The following ASB15 variants were observed in gnomAD, a reference collection of about 807,000 sequenced individuals.
ASB15 encodes the protein ankyrin repeat and SOCS box protein 15.
Under a neutral mutation model 58.0 loss-of-function variants are expected in ASB15, and 54 were observed. The observed-to-expected ratio is 0.93, with a 90% confidence interval of 0.75 to 1.17. The LOEUF (loss-of-function observed/expected upper bound fraction) is 1.17, where lower values mean the gene tolerates loss of function less well. ASB15 is among the 50% of genes most tolerant of loss of function. The pLI is 0.00. For synonymous variants in ASB15, 249 were observed against 262.4 expected, an observed-to-expected ratio of 0.95 and a Z score of 0.50; for missense variants, 680 against 707.4, an observed-to-expected ratio of 0.96 and a Z score of 0.44.
intron 1 of ASB15, among the ~76,000 whole-genome samples, chr7:123,570,098 G>A (rs967275458): frequency 7.4e-6 from 1 of 135,128 alleles, no homozygotes; most frequent in African/African-American, 2.8e-5. Flanking sequence ...GCAGTGGCAC[G>A]ATCTCGGCTC....
intron 7 of ASB15, chr7:123,623,133 G>A (rs770629222): frequency 4.6e-5 from 7 of 152,106 alleles, no homozygotes; most frequent in African/African-American, 1.2e-4. Flanking sequence ...TAAACTCTAC[G>A]AGTGAGATCC....
intron 7 of ASB15, among the ~76,000 whole-genome samples, chr7:123,624,101 T>C (rs1801602666): frequency 6.6e-6 from 1 of 152,186 alleles, no homozygotes; most frequent in Admixed American, 6.5e-5. Flanking sequence ...GGAAACCTGA[T>C]GAACATGATT....
chr7:123,630,651 A>G (rs1378602783), intron 11 of ASB15, among the ~76,000 whole-genome samples: 1 of 152,196 alleles, frequency 6.6e-6, no homozygotes, highest in Non-Finnish European at 1.5e-5. Context: ...ATGAAAATGA[A>G]TAATACAAGT....
intron 1 of ASB15, among the ~76,000 whole-genome samples, chr7:123,577,255 T>C (rs1432742644): frequency 1.3e-5 from 2 of 152,160 alleles, no homozygotes; most frequent in East Asian, 3.9e-4. Context: ...GATTTTGCAT[T>C]TTATTACAAA....
At chr7:123,628,315 A>C (rs889995611) in intron 9 of ASB15, among the ~76,000 whole-genome samples, 37 of 152,228 alleles carry the variant, frequency 2.4e-4, no homozygotes, top group African/African-American at 8.4e-4. Flanking sequence ...TGAGAATTGG[A>C]AAAGGCCCAA....
chr7:123,603,815 G>A (rs1311585263), intron 1 of ASB15, among the ~76,000 whole-genome samples: 2 of 152,184 alleles, frequency 1.3e-5, no homozygotes, highest in Non-Finnish European at 2.9e-5. Context: ...GAAAACATAC[G>A]ACTTGTAGAT....
Position 123,629,840 on chromosome 7 carries a change from G to T in ASB15, c.1441-126G>T, listed in dbSNP as rs545380843. Reference sequence around the variant, plus strand: ...AGCAAACAATTTATTTTTAATTTTTGTTCATTACAAGGAGAGATCTTTTAT... The same window carrying T: ...AGCAAACAATTTATTTTTAATTTTTTTTCATTACAAGGAGAGATCTTTTAT... On this transcript the variant is annotated intron_variant, in intron 10 of 11. Transcript: ENST00000451215. 1.1e-5 allele frequency: 8 copies of T among 722,338 alleles called. No individual in the cohort carries two copies. In the South Asian group the frequency reaches 1.8e-4, roughly 17 times the overall value. 44.7% of individuals were successfully genotyped at this position (722,338 alleles called of 1,614,324 possible).
At chr7:123,620,284 TA>T (rs1801151669) in intron 7 of ASB15, 1 of 151,812 alleles carries the variant, frequency 6.6e-6, no homozygotes, top group Non-Finnish European at 1.5e-5. Context: ...TGTGGCCAGC[TA>T]AATACTTGGG....
chr7:123,632,235 A>T (rs1449799305), intron 11 of ASB15, among the ~76,000 whole-genome samples: 1 of 152,104 alleles, frequency 6.6e-6, no homozygotes, highest in East Asian at 1.9e-4. Flanking sequence ...ACGAGTCAAA[A>T]TTTGAAAAAT....
At chr7:123,582,464 T>C (rs1208539268) in intron 1 of ASB15, among the ~76,000 whole-genome samples, 3 of 152,002 alleles carry the variant, frequency 2.0e-5, no homozygotes, top group African/African-American at 4.8e-5. Context: ...TACTCCAGTA[T>C]ATAGTTCAGT....
intron 1 of ASB15, among the ~76,000 whole-genome samples, chr7:123,603,002 T>C (rs1799961044): frequency 6.6e-6 from 1 of 152,194 alleles, no homozygotes; most frequent in Non-Finnish European, 1.5e-5. Context: ...AGACGTTAAG[T>C]GACATCCATT....
At chr7:123,571,540 ATTTG>A in intron 1 of ASB15, among the ~76,000 whole-genome samples, 1 of 152,284 alleles carries the variant, frequency 6.6e-6, no homozygotes, top group South Asian at 2.1e-4. Flanking sequence ...TTATCTTTTT[ATTTG>A]TAGATAATAA....
At chr7:123,587,264 T>A (rs1799400322) in intron 1 of ASB15, among the ~76,000 whole-genome samples, 2 of 151,836 alleles carry the variant, frequency 1.3e-5, no homozygotes, top group Admixed American at 6.6e-5. Flanking sequence ...ACCTTTCACC[T>A]CCTTGGTTAA....
intron 7 of ASB15, chr7:123,621,652 G>C (rs968838925): frequency 6.6e-6 from 1 of 152,026 alleles, no homozygotes; most frequent in Non-Finnish European, 1.5e-5. Flanking sequence ...TCCTTAGAGG[G>C]CCAAGAAAAA....
At chr7:123,603,197 G>A (rs968995896) in intron 1 of ASB15, among the ~76,000 whole-genome samples, 12 of 152,062 alleles carry the variant, frequency 7.9e-5, no homozygotes, top group Non-Finnish European at 1.3e-4. Context: ...TTATTTAAAG[G>A]CAGAAAACTC....
At chr7:123,615,051 T>C (rs1800711799) in intron 4 of ASB15, among the ~76,000 whole-genome samples, 1 of 152,204 alleles carries the variant, frequency 6.6e-6, no homozygotes, top group Admixed American at 6.5e-5. Context: ...GTTTAAAATA[T>C]GAAGAATAAT....
At chr7:123,591,925 G>A (rs887822275) in intron 1 of ASB15, among the ~76,000 whole-genome samples, 1 of 152,088 alleles carries the variant, frequency 6.6e-6, no homozygotes, top group Non-Finnish European at 1.5e-5. Flanking sequence ...AATCCTTCTG[G>A]CCCCAGACTT....
chr7:123,627,993 G>A (rs1801903128), intron 9 of ASB15, among the ~76,000 whole-genome samples: 2 of 152,166 alleles, frequency 1.3e-5, no homozygotes, highest in Non-Finnish European at 2.9e-5. Flanking sequence ...TGTTGTTAGA[G>A]TTTACCTGGA....
intron 10 of ASB15, 26 bp downstream of exon 10, chr7:123,629,460 ATTGAG>A: frequency 6.6e-7 from 1 of 1,518,414 alleles, no homozygotes; most frequent in South Asian, 1.2e-5. Flanking sequence ...TCTGCTTTAT[ATTGAG>A]TTATCATCCT....
Sources: gnomAD v4.1 joint callset for allele counts (sites outside exome capture counted in the v4.1 genomes callset) on GRCh38, gnomAD v4.1.1 for gene constraint, MANE v1.5 for transcripts, NCBI Gene and HGNC (gene_info 2026-07-23, HGNC 2026-07-21) for gene names.